Variants in GPM6A observed in about 807,000 individuals in gnomAD.
GPM6A encodes neuronal membrane glycoprotein M6-a.
A neutral mutation model predicts 32.1 loss-of-function variants in GPM6A; 7 were observed. The ratio of observed to expected loss-of-function variants is 0.22; its 90% CI spans 0.12 to 0.41. GPM6A has a LOEUF of 0.41. Ranked by LOEUF, GPM6A falls within the 10% of genes least tolerant of loss-of-function variation. GPM6A has a pLI of 1.00. For synonymous variants in GPM6A, 130 were observed against 123.4 expected, an observed-to-expected ratio of 1.05 and a Z score of -0.35; for missense variants, 235 against 347.2, an observed-to-expected ratio of 0.68 and a Z score of 2.57.
At chr4:175,793,088 T>C (rs1022426530) in intron 1 of GPM6A, among the ~76,000 whole-genome samples, 1 of 152,164 alleles carries the variant, frequency 6.6e-6, no homozygotes, top group Non-Finnish European at 1.5e-5. Flanking sequence ...CCATTGTATC[T>C]TAAAAAGTTA....
intron 1 of GPM6A, among the ~76,000 whole-genome samples, chr4:175,792,048 A>G (rs1263392951): frequency 1.3e-5 from 2 of 152,222 alleles, no homozygotes; most frequent in African/African-American, 4.8e-5. Flanking sequence ...AAGAATTTAT[A>G]AAGCTACAAA....
intron 2 of GPM6A, among the ~76,000 whole-genome samples, chr4:175,678,334 G>A (rs979988996): frequency 5.9e-5 from 9 of 152,088 alleles, no homozygotes; most frequent in Non-Finnish European, 8.8e-5. Context: ...TTAACAAATT[G>A]TTGTTTATTT....
intron 1 of GPM6A, among the ~76,000 whole-genome samples, chr4:175,778,276 A>T (rs1444571219): frequency 6.6e-6 from 1 of 152,118 alleles, no homozygotes; most frequent in African/African-American, 2.4e-5. Flanking sequence ...CTACTATTTA[A>T]AATTCAAGTT....
At position 175,961,806 on chromosome 4, in the gene GPM6A, C is replaced by T. The variant is rs145517765; in HGVS notation, c.-23+40503G>A. ...TATTCTGCCAGTGCCTACCCAACCT[C>T]GAAGAAGGGAAAGGCTCAATTTCAG... On this transcript the variant is annotated intron_variant, in intron 1 of 7. Transcript: ENST00000280187. Among the ~76,000 whole-genome samples the T allele has an allele frequency of 2.6e-5, 4 of 152,250 alleles. No individual in the cohort carries two copies. In the East Asian group the frequency reaches 5.8e-4, roughly 22 times the overall value.
At chr4:175,909,041 G>A (rs1408021601) in intron 1 of GPM6A, among the ~76,000 whole-genome samples, 2 of 48,248 alleles carry the variant, frequency 4.1e-5, no homozygotes, top group Non-Finnish European at 1.1e-4. Flanking sequence ...AAAAAAAAGG[G>A]CGGGGGGGGG....
chr4:175,891,793 T>G (rs1293415195), intron 1 of GPM6A: 1 of 152,234 alleles, frequency 6.6e-6, no homozygotes, highest in Non-Finnish European at 1.5e-5. Flanking sequence ...ATACTTGGAA[T>G]AGCAGAATCA....
intron 1 of GPM6A, among the ~76,000 whole-genome samples, chr4:175,844,419 C>T (rs1015497026): frequency 2.0e-5 from 3 of 152,118 alleles, no homozygotes; most frequent in Admixed American, 6.6e-5. Context: ...TTTATTCCAA[C>T]GGTGACATGG....
At chr4:175,734,613 C>T (rs1438957432) in intron 1 of GPM6A, among the ~76,000 whole-genome samples, 2 of 151,942 alleles carry the variant, frequency 1.3e-5, no homozygotes, top group African/African-American at 4.8e-5. Flanking sequence ...GTGGCTCATG[C>T]CTGTAATCAC....
intron 1 of GPM6A, among the ~76,000 whole-genome samples, chr4:175,913,248 T>G (rs750676362): frequency 6.6e-6 from 1 of 152,196 alleles, no homozygotes; most frequent in Admixed American, 6.5e-5. Context: ...TATAAAAAGA[T>G]GATTTGTAAA....
At chr4:175,874,116 G>A (rs1259054180) in intron 1 of GPM6A, among the ~76,000 whole-genome samples, 9 of 152,100 alleles carry the variant, frequency 5.9e-5, no homozygotes, top group Admixed American at 5.9e-4. Context: ...GCAGCACCAG[G>A]GAAACACGGA....
chr4:175,925,989 T>C (rs182105749), intron 1 of GPM6A, among the ~76,000 whole-genome samples: 18 of 151,918 alleles, frequency 1.2e-4, no homozygotes, highest in African/African-American at 4.4e-4. Context: ...GCAGCTGGAA[T>C]TAAAGGTGCC....
rs143538181 is a variant in GPM6A, at chr4:175,785,161, C to G, written c.37+27030G>C. 9.9e-3 allele frequency among the ~76,000 whole-genome samples: 1,514 copies of G among 152,304 alleles called. 17 individuals are homozygous for G. The highest frequency in any genetic ancestry group is 0.017 in the Non-Finnish European group (1,161 of 68,028). Reference sequence around the variant, plus strand: ...GCCTTAATCTCTAAGATCACTTGCTCTGGGGATGTCCCCTGACCAAGTCCA... The same window carrying G: ...GCCTTAATCTCTAAGATCACTTGCTGTGGGGATGTCCCCTGACCAAGTCCA... On this transcript the variant is annotated intron_variant, in intron 1 of 6. Transcript: ENST00000393658.
intron 1 of GPM6A, among the ~76,000 whole-genome samples, chr4:175,760,694 C>A (rs1297729526): frequency 6.6e-6 from 1 of 151,808 alleles, no homozygotes; most frequent in Non-Finnish European, 1.5e-5. Context: ...AAAACTAGAG[C>A]TCCCTGAGTA....
intron 1 of GPM6A, among the ~76,000 whole-genome samples, chr4:175,803,498 TG>T (rs775686822): frequency 2.0e-5 from 3 of 152,076 alleles, no homozygotes; most frequent in Non-Finnish European, 2.9e-5. Flanking sequence ...AAAGGAAACA[TG>T]GAGAAGGAAT....
intron 1 of GPM6A, among the ~76,000 whole-genome samples, chr4:175,836,653 G>C (rs1284433054): frequency 2.0e-5 from 3 of 152,096 alleles, no homozygotes. Flanking sequence ...AATTTCCTAA[G>C]GCAGGAATAT....
At chr4:175,737,164 C>T (rs945114210) in intron 1 of GPM6A, among the ~76,000 whole-genome samples, 10 of 152,176 alleles carry the variant, frequency 6.6e-5, no homozygotes, top group African/African-American at 1.9e-4. Flanking sequence ...CTTTTGAACA[C>T]TCAAAACCCA....
chr4:175,863,137 G>T (rs1231477808), intron 1 of GPM6A, among the ~76,000 whole-genome samples: 1 of 151,900 alleles, frequency 6.6e-6, no homozygotes, highest in African/African-American at 2.4e-5. Flanking sequence ...AATTTCATGA[G>T]ACTTCAAATG....
In GPM6A at chr4:175,637,598, T is replaced by A. The variant is rs1303568287; in HGVS notation, c.684+2531A>T. On this transcript the variant is annotated intron_variant, in intron 6 of 6. Coordinates refer to ENST00000393658, the MANE Select transcript of GPM6A (RefSeq NM_201591.3). The stretch of plus-strand genomic sequence containing the variant: ...ATTATATAAAATATATTATATATTA[T>A]GTAAAATATATAATATATAATATAT... 4.2e-5 allele frequency among the ~76,000 whole-genome samples: 5 copies of A among 119,692 alleles called. No individual in the cohort carries two copies. The East Asian group carries it at 1.2e-3, about 30-fold the overall frequency. The allele number at this position is 119,692 out of a possible 152,430, so 78.5% of individuals were successfully genotyped here. A position where few individuals can be genotyped will look rare whatever the true frequency, so the allele number is the denominator to read the frequency against.
intron 1 of GPM6A, among the ~76,000 whole-genome samples, chr4:175,766,733 C>T (rs151183555): frequency 0.015 from 2,228 of 150,174 alleles, 34 homozygotes; most frequent in South Asian, 0.024. Flanking sequence ...CTGCTCACTG[C>T]AACCTCCACC....
Sources: gnomAD v4.1 joint callset for allele counts (sites outside exome capture counted in the v4.1 genomes callset) on GRCh38, gnomAD v4.1.1 for gene constraint, MANE v1.5 for transcripts, NCBI Gene and HGNC (gene_info 2026-07-23, HGNC 2026-07-21) for gene names.